Variants in MYPN observed in about 807,000 individuals in gnomAD.
The protein encoded by MYPN is myopalladin, also known as sarcomeric protein myopalladin, 145 kDa (MYOP).
Under a neutral mutation model 129.4 loss-of-function variants are expected in MYPN, and 63 were observed. That is an observed-to-expected ratio of 0.49 (90% confidence interval 0.40 to 0.60). The LOEUF (loss-of-function observed/expected upper bound fraction) is 0.60, where lower values mean the gene tolerates loss of function less well. Ranked by LOEUF, MYPN falls within the 20% of genes least tolerant of loss-of-function variation. The pLI, the probability that MYPN is intolerant of heterozygous loss-of-function variation, is 0.00. For missense variants in MYPN, 1,596 were observed against 1,635.4 expected (o/e 0.98, Z 0.42); for synonymous variants, 629 against 600.9 (o/e 1.05, Z -0.68).
intron 10 of MYPN, among the ~76,000 whole-genome samples, chr10:68,173,261 G>A: frequency 6.6e-6 from 1 of 152,144 alleles, no homozygotes; most frequent in East Asian, 1.9e-4. Context: ...GCAGAGTGGA[G>A]AATACAGCAT....
intron 7 of MYPN, among the ~76,000 whole-genome samples, chr10:68,160,469 A>T (rs1313585741): frequency 6.6e-6 from 1 of 151,654 alleles, no homozygotes; most frequent in Non-Finnish European, 1.5e-5. Flanking sequence ...AGAGAGAGAA[A>T]AAAAAACTTC....
At chr10:68,091,696 T>A (rs1014222758) in intron 1 of MYPN, among the ~76,000 whole-genome samples, 4 of 151,808 alleles carry the variant, frequency 2.6e-5, no homozygotes, top group Non-Finnish European at 5.9e-5. Context: ...GCGCCCAGCC[T>A]AGACTACAGC....
chr10:68,139,124 C>A (rs530687239), intron 2 of MYPN, among the ~76,000 whole-genome samples: 1 of 152,176 alleles, frequency 6.6e-6, no homozygotes, highest in Non-Finnish European at 1.5e-5. Flanking sequence ...CAGTCTGCAA[C>A]TCAGCCTTCA....
At chr10:68,185,934 A>AATT (rs2043414056) in intron 12 of MYPN, among the ~76,000 whole-genome samples, 1 of 152,230 alleles carries the variant, frequency 6.6e-6, no homozygotes, top group African/African-American at 2.4e-5. Context: ...CATTGTGAAG[A>AATT]ATTAGGCTGA....
At chr10:68,108,627 T>C (rs960278623), upstream of MYPN, among the ~76,000 whole-genome samples, 10 of 152,218 alleles carry the variant, frequency 6.6e-5, no homozygotes, top group African/African-American at 2.2e-4. Context: ...TTCAAAGTCC[T>C]GTCTTCTACC....
At chr10:68,125,108 A>G (rs974160171) in intron 2 of MYPN, among the ~76,000 whole-genome samples, 7 of 152,252 alleles carry the variant, frequency 4.6e-5, no homozygotes, top group South Asian at 4.1e-4. Context: ...ACAATCTCAG[A>G]TACAAGAATG....
At chr10:68,203,802 T>A (rs1003431492) in intron 18 of MYPN, among the ~76,000 whole-genome samples, 1 of 151,822 alleles carries the variant, frequency 6.6e-6, no homozygotes, top group Non-Finnish European at 1.5e-5. Flanking sequence ...CCATCATAAA[T>A]TGAGGAGCAT....
At chr10:68,115,258 CAAAAAAAAAAAA>C (rs58484168) in intron 1 of MYPN, among the ~76,000 whole-genome samples, 3 of 53,654 alleles carry the variant, frequency 5.6e-5, no homozygotes, top group East Asian at 5.1e-4. Context: ...AACTCCATCT[CAAAAAAAAAAAA>C]AAAAAAAAAA....
At chr10:68,088,313 C>A (rs1279247955) in intron 1 of MYPN, among the ~76,000 whole-genome samples, 1 of 151,918 alleles carries the variant, frequency 6.6e-6, no homozygotes, top group East Asian at 1.9e-4. Context: ...CATTGCCAAG[C>A]AATGTAAAGA....
chr10:68,194,229 AC>A, intron 13 of MYPN, 133 bp from the exon 14 acceptor site: 1 of 846,362 alleles, frequency 1.2e-6, no homozygotes, highest in East Asian at 2.8e-5. Flanking sequence ...ATGTTTTATA[AC>A]TTTTTTTCAA....
At chr10:68,165,366 C>G (rs10823146) in intron 8 of MYPN, 2 of 423,744 alleles carry the variant, frequency 4.7e-6, no homozygotes, top group Non-Finnish European at 9.3e-6. Flanking sequence ...GTAGGAGAAT[C>G]GCTTGAACCT....
chr10:68,197,451 G>T lies in MYPN; in HGVS notation c.3258G>T (p.Glu1086Asp). 6.2e-7 allele frequency: 1 copy of T among 1,613,982 alleles called. No homozygotes were observed. Among genetic ancestry groups the T allele is most frequent in the Non-Finnish European group, 8.5e-7 (1 of 1,179,916 alleles). ...CTCCTGGGGATATGGTAGCTCATGA[G>T]GGGCGCCTCTGTCGGCTGGACTGTA... ...LQAPGDMVAH[E>D]GRLCRLDCKV... Residue 1086 changes from glutamate (E) to aspartate (D), a missense_variant, in exon 16 of 20, where the codon GAG becomes GAT. By Grantham distance (45) the Glu-to-Asp change is conservative (BLOSUM62 2). Transcript: ENST00000358913.
At chr10:68,202,350 G>A (rs1390635830) in intron 18 of MYPN, among the ~76,000 whole-genome samples, 1 of 152,110 alleles carries the variant, frequency 6.6e-6, no homozygotes, top group Admixed American at 6.5e-5. Flanking sequence ...GGAGAATGGC[G>A]TGAACCTGGG....
chr10:68,203,002 A>C (rs1276391386), intron 18 of MYPN, among the ~76,000 whole-genome samples: 2 of 152,196 alleles, frequency 1.3e-5, no homozygotes, highest in Non-Finnish European at 2.9e-5. Flanking sequence ...AAATAAACTG[A>C]GGGTCTACAA....
chr10:68,155,159 T>G (rs2042847143), intron 6 of MYPN, among the ~76,000 whole-genome samples: 1 of 151,994 alleles, frequency 6.6e-6, no homozygotes, highest in South Asian at 2.1e-4. Context: ...CCAGCCTGGG[T>G]GACAGAGCAA....
At chr10:68,106,282 C>A, upstream of MYPN, 3 of 373,960 alleles carry the variant, frequency 8.0e-6, no homozygotes, top group East Asian at 8.7e-5. Context: ...GGGTTTTGAA[C>A]TTTTAGTTTT....
chr10:68,168,424 T>G (rs895502474), intron 10 of MYPN, among the ~76,000 whole-genome samples: 1 of 152,136 alleles, frequency 6.6e-6, no homozygotes, highest in African/African-American at 2.4e-5. Context: ...GGAAAAAAAA[T>G]TCTGCCAAAA....
At chr10:68,178,156 T>C (rs2043257235) in intron 12 of MYPN, among the ~76,000 whole-genome samples, 1 of 152,230 alleles carries the variant, frequency 6.6e-6, no homozygotes, top group Non-Finnish European at 1.5e-5. Flanking sequence ...GCAAGTAACA[T>C]TTGTAGATTC....
At chr10:68,152,699 G>T (rs1209292453) in intron 6 of MYPN, among the ~76,000 whole-genome samples, 1 of 152,114 alleles carries the variant, frequency 6.6e-6, no homozygotes, top group African/African-American at 2.4e-5. Context: ...GCAATGGCAT[G>T]ATCTCAGCTC....
Sources: gnomAD v4.1 joint callset for allele counts (sites outside exome capture counted in the v4.1 genomes callset) on GRCh38, gnomAD v4.1.1 for gene constraint, MANE v1.5 for transcripts, NCBI Gene and HGNC (gene_info 2026-07-23, HGNC 2026-07-21) for gene names.